The following SPATA24 variants were observed in gnomAD, a reference collection of about 807,000 sequenced individuals.
SPATA24 encodes the protein spermatogenesis-associated protein 24.
Under a neutral mutation model 28.9 loss-of-function variants are expected in SPATA24, and 21 were observed. That is an observed-to-expected ratio of 0.73 (90% CI 0.52 to 1.05). The LOEUF (loss-of-function observed/expected upper bound fraction) is 1.05, where lower values mean the gene tolerates loss of function less well. Ranked by LOEUF, SPATA24 falls within the 50% of genes least tolerant of loss-of-function variation. SPATA24 has a pLI of 0.00. For missense variants in SPATA24, 215 were observed against 242.9 expected, an observed-to-expected ratio of 0.88 and a Z score of 0.76; for synonymous variants, 76 against 89.9, an observed-to-expected ratio of 0.85 and a Z score of 0.88.
chr5:139,395,406 A>C (rs1285499931), downstream of SPATA24: 9 of 279,804 alleles, frequency 3.2e-5, no homozygotes, highest in Non-Finnish European at 4.0e-5. Flanking sequence ...AACTCCACCT[A>C]TCACAGGTGA....
At chr5:139,396,326 C>G, downstream of SPATA24, 2 of 985,434 alleles carry the variant, frequency 2.0e-6, no homozygotes, top group Non-Finnish European at 2.4e-6. Context: ...CACCTTAAAA[C>G]CACACACAGC....
chr5:139,394,817 G>A (rs917586305), downstream of SPATA24: 92 of 1,529,974 alleles, frequency 6.0e-5, no homozygotes, highest in Non-Finnish European at 7.2e-5. Context: ...GGGCCTCGCG[G>A]GAAACCCGAG....
intron 4 of SPATA24, among the ~76,000 whole-genome samples, chr5:139,397,886 A>G (rs1758745235): frequency 6.6e-6 from 1 of 152,154 alleles, no homozygotes; most frequent in African/African-American, 2.4e-5. Context: ...ACTTTTACCT[A>G]ACATACCATA....
At chr5:139,394,879 T>A, downstream of SPATA24, 1 of 1,518,246 alleles carries the variant, frequency 6.6e-7, no homozygotes, top group South Asian at 1.2e-5. Context: ...CAGGCGAGGC[T>A]GCGCGCCCGC....
chr5:139,397,633 C>A (rs974750913), intron 4 of SPATA24, among the ~76,000 whole-genome samples: 5 of 151,912 alleles, frequency 3.3e-5, no homozygotes, highest in Admixed American at 3.3e-4. Flanking sequence ...TGGCTCACTG[C>A]AACCTCCACC....
chr5:139,394,532 C>CT, downstream of SPATA24: 1 of 1,482,302 alleles, frequency 6.7e-7, no homozygotes, highest in Non-Finnish European at 8.9e-7. Flanking sequence ...TCGAACTGCG[C>CT]TGGGGCGGCA....
In SPATA24 at chr5:139,403,994, G is replaced by A. The variant is rs1300668060; in HGVS notation, c.67C>T (p.Arg23Trp). 1 of 1,551,806 alleles carries A rather than the reference G, an allele frequency of 6.4e-7. No individual in the cohort carries two copies. The highest frequency in any genetic ancestry group is 8.7e-7 in the Non-Finnish European group (1 of 1,147,024). The change falls in exon 1 of 6, where the codon CGG (arginine) becomes TGG (tryptophan). Residue 23 changes from arginine (R) to tryptophan (W), a missense_variant. Coordinates refer to ENST00000450845, the MANE Select transcript of SPATA24 (RefSeq NM_194296.2). ...TCCTCCTGAGACTCAATCACGTCCC[G>A]CAGTTGATCTAAAGCGAGACACACA... ...GSVCLALDQL[R>W]DVIESQEELI...
chr5:139,401,013 C>T (rs1157616303), intron 4 of SPATA24, among the ~76,000 whole-genome samples: 7 of 152,028 alleles, frequency 4.6e-5, no homozygotes, highest in South Asian at 2.1e-4. Flanking sequence ...AAAAATTAGC[C>T]GGGCATGGTG....
At chr5:139,397,473 G>A (rs1758735435) in intron 4 of SPATA24, among the ~76,000 whole-genome samples, 1 of 152,018 alleles carries the variant, frequency 6.6e-6, no homozygotes. Context: ...GGTCTTTACA[G>A]ATGTTGCCTC....
At chr5:139,395,468 A>C (rs1241890562), downstream of SPATA24, 2 of 196,838 alleles carry the variant, frequency 1.0e-5, no homozygotes, top group African/African-American at 4.6e-5. Context: ...TGCTGTGTGC[A>C]GTTCAGGCTG....
downstream of SPATA24, chr5:139,393,997 G>C (rs780357170): frequency 1.3e-6 from 2 of 1,550,568 alleles, no homozygotes; most frequent in Non-Finnish European, 1.7e-6. Context: ...TCGATCCGGC[G>C]CCTCTCGCGG....
At chr5:139,396,424 T>G, downstream of SPATA24, 1 of 1,094,306 alleles carries the variant, frequency 9.1e-7, no homozygotes, top group South Asian at 2.6e-5. Flanking sequence ...ATAACATTAT[T>G]GTCATGTGAT....
At chr5:139,400,333 T>C (rs1758794950) in intron 4 of SPATA24, among the ~76,000 whole-genome samples, 1 of 138,066 alleles carries the variant, frequency 7.2e-6, no homozygotes, top group South Asian at 2.3e-4. Context: ...TGAGACAGAG[T>C]TTCACTTTTG....
chr5:139,401,833 G>T lies in SPATA24; in HGVS notation c.315-8C>A. 6.5e-7 allele frequency: 1 copy of T among 1,549,210 alleles called. No homozygotes were observed. Among genetic ancestry groups the T allele is most frequent in the Non-Finnish European group, 8.7e-7 (1 of 1,145,084 alleles). ...CTCTTGACACTGGAGAGCCTGGGTG[G>T]GGAAGATAAGATGGGAGGGTGGGCA... is the stretch of plus-strand genomic sequence containing the variant. On this transcript the variant is annotated splice_region_variant and splice_polypyrimidine_tract_variant and intron_variant, in intron 3 of 5. Coordinates refer to ENST00000450845, the MANE Select transcript of SPATA24 (RefSeq NM_194296.2).
At chr5:139,399,560 G>A (rs565751793) in intron 4 of SPATA24, among the ~76,000 whole-genome samples, 26 of 152,254 alleles carry the variant, frequency 1.7e-4, no homozygotes, top group African/African-American at 6.0e-4. Context: ...TGTGAAGTTC[G>A]TTTGGGAAAA....
intron 4 of SPATA24, among the ~76,000 whole-genome samples, chr5:139,400,603 C>CA (rs1395555264): frequency 6.6e-6 from 1 of 151,998 alleles, no homozygotes; most frequent in Non-Finnish European, 1.5e-5. Flanking sequence ...CCACCGCGCC[C>CA]AGCCCATACT....
At chr5:139,394,081 G>A (rs1366882771), downstream of SPATA24, 1 of 1,550,684 alleles carries the variant, frequency 6.4e-7, no homozygotes, top group Non-Finnish European at 8.7e-7. Flanking sequence ...AGGACCCAGC[G>A]GCTCCGTCCC....
At chr5:139,396,962 A>G (rs940274510) in intron 5 of SPATA24, 33 bp from the exon 6 acceptor site, 2 of 1,551,532 alleles carry the variant, frequency 1.3e-6, no homozygotes, top group Non-Finnish European at 1.7e-6. Flanking sequence ...TGGGCTGTGG[A>G]CAGCCAAGGG....
chr5:139,394,443 G>T (rs1330754935), downstream of SPATA24: 13 of 1,397,012 alleles, frequency 9.3e-6, no homozygotes, highest in Non-Finnish European at 1.1e-5. Context: ...GGGGCCGGGG[G>T]CGCAGCTCGA....
Sources: gnomAD v4.1 joint callset for allele counts (sites outside exome capture counted in the v4.1 genomes callset) on GRCh38, gnomAD v4.1.1 for gene constraint, MANE v1.5 for transcripts, NCBI Gene and HGNC (gene_info 2026-07-23, HGNC 2026-07-21) for gene names.